Variants in PCDHGA2 observed in about 807,000 individuals in gnomAD.
PCDHGA2 encodes the protein protocadherin gamma-A2.
In PCDHGA2, 40 loss-of-function variants were observed where a neutral mutation model predicts 59.2. The observed-to-expected ratio is 0.68, with a 90% confidence interval of 0.52 to 0.88. The LOEUF (loss-of-function observed/expected upper bound fraction) is 0.88. Ranked by LOEUF, PCDHGA2 falls within the 40% of genes least tolerant of loss-of-function variation. The pLI, the probability that PCDHGA2 is intolerant of heterozygous loss-of-function variation, is 0.00. For missense variants in PCDHGA2, 1,226 were observed against 1,204.0 expected, an observed-to-expected ratio of 1.02 and a Z score of -0.27; for synonymous variants, 560 against 526.0, an observed-to-expected ratio of 1.06 and a Z score of -0.89.
At chr5:141,414,846 G>A in intron 1 of PCDHGA2, 1 of 1,614,218 alleles carries the variant, frequency 6.2e-7, no homozygotes, top group African/African-American at 1.3e-5. Flanking sequence ...TGTTTGTGCT[G>A]GACCAGAACG....
chr5:141,366,207 T>G, intron 1 of PCDHGA2: 1 of 1,613,790 alleles, frequency 6.2e-7, no homozygotes, highest in Non-Finnish European at 8.5e-7. Context: ...ACGGGCGAGG[T>G]GCGCACAGCG....
intron 1 of PCDHGA2, chr5:141,360,756 A>T: frequency 6.2e-7 from 1 of 1,614,010 alleles, no homozygotes; most frequent in Non-Finnish European, 8.5e-7. Context: ...AGCACAGTTT[A>T]CATCAATTGG....
chr5:141,442,894 C>T (rs1173211061), intron 1 of PCDHGA2, among the ~76,000 whole-genome samples: 1 of 152,204 alleles, frequency 6.6e-6, no homozygotes, highest in Non-Finnish European at 1.5e-5. Flanking sequence ...CCCTGCTTAT[C>T]ACTTCTCCTT....
intron 2 of PCDHGA2, among the ~76,000 whole-genome samples, chr5:141,500,381 T>G (rs1013284512): frequency 7.2e-5 from 11 of 151,786 alleles, no homozygotes; most frequent in African/African-American, 2.7e-4. Flanking sequence ...GCTAATTATT[T>G]TGTATTTTTA....
Position 141,393,710 on chromosome 5 carries a change from G to T in PCDHGA2, c.2424+52315G>T, listed in dbSNP as rs143738602. On this transcript the variant is annotated intron_variant, in intron 1 of 3. Transcript: ENST00000394576. Reference sequence around the variant, plus strand: ...TATTCCAGCTTAATGAAAATACTGGGGAAATATCAATAGCAAAAAGTCTAG... The same window carrying T: ...TATTCCAGCTTAATGAAAATACTGGTGAAATATCAATAGCAAAAAGTCTAG... 837 of 1,613,794 alleles carry T rather than the reference G, an allele frequency of 5.2e-4. 2 individuals carry two copies. In the African/African-American group the frequency reaches 1.0e-2, roughly 19 times the overall value.
intron 1 of PCDHGA2, chr5:141,409,571 TA>T: frequency 6.2e-7 from 1 of 1,613,932 alleles, no homozygotes; most frequent in Non-Finnish European, 8.5e-7. Flanking sequence ...CCAGACGTCC[TA>T]CGTGGTCCAC....
Position 141,486,070 on chromosome 5 carries a change from T to C in PCDHGA2, c.2425-8737T>C. ...ACCTCTTTAGCCTGCACCCCACTAC[T>C]GGAAAGCTTACTCTTTTGGGGCCCC... On this transcript the variant is annotated intron_variant, in intron 1 of 3. Coordinates refer to ENST00000394576, the MANE Select transcript of PCDHGA2 (RefSeq NM_018915.4). The surrounding 1 kb of genome is among the most constrained non-coding windows in gnomAD (Gnocchi z 5.0). 6.2e-7 allele frequency: 1 copy of C among 1,614,158 alleles called. No homozygotes were observed. The highest frequency in any genetic ancestry group is 8.5e-7 in the Non-Finnish European group (1 of 1,180,010).
chr5:141,434,401 T>C (rs1036239430), intron 1 of PCDHGA2, among the ~76,000 whole-genome samples: 2 of 152,242 alleles, frequency 1.3e-5, no homozygotes. Context: ...ACAAAATCTC[T>C]GCAGCACTGT....
In PCDHGA2 at chr5:141,390,225, G is replaced by A. The variant is rs886390636; in HGVS notation, c.2424+48830G>A. 25 of 1,613,922 alleles carry A rather than the reference G, an allele frequency of 1.5e-5. No individual in the cohort carries two copies. Among genetic ancestry groups the A allele is most frequent in the Non-Finnish European group, 1.9e-5 (23 of 1,179,908 alleles). On this transcript the variant is annotated intron_variant, in intron 1 of 3. Transcript: ENST00000394576. Reference sequence around the variant, plus strand: ...TTCAGGACAAGACATACTTTGCGGTGATTCATCTGGGGCCTTATTTCCACT... The same window carrying A: ...TTCAGGACAAGACATACTTTGCGGTAATTCATCTGGGGCCTTATTTCCACT...
At chr5:141,366,388 T>A (rs1764530765) in intron 1 of PCDHGA2, 1 of 1,614,034 alleles carries the variant, frequency 6.2e-7, no homozygotes, top group African/African-American at 1.3e-5. Flanking sequence ...ACCCTGAGGA[T>A]CTGGACCTCA....
chr5:141,344,538 A>T (rs1229655553), intron 1 of PCDHGA2: 4 of 1,614,034 alleles, frequency 2.5e-6, no homozygotes, highest in Non-Finnish European at 3.4e-6. Context: ...CTCCCTGCAG[A>T]ACTACAAGCT....
intron 1 of PCDHGA2, chr5:141,370,668 C>CGA (rs1767111229): frequency 5.0e-6 from 8 of 1,613,644 alleles, no homozygotes; most frequent in Non-Finnish European, 5.9e-6. Context: ...CCGTATAGAC[C>CGA]GAGAGGAGAT....
chr5:141,381,826 CTTTT>C (rs770630741), intron 1 of PCDHGA2, among the ~76,000 whole-genome samples: 27 of 74,296 alleles, frequency 3.6e-4, no homozygotes, highest in Middle Eastern at 8.1e-3. Context: ...CTTTCTTCTT[CTTTT>C]TTTTTTTTTT....
At chr5:141,374,379 G>T in intron 1 of PCDHGA2, 11 of 1,614,042 alleles carry the variant, frequency 6.8e-6, no homozygotes, top group Non-Finnish European at 9.3e-6. Flanking sequence ...TGTGCTCAGA[G>T]CCCGCGGTGT....
chr5:141,421,280 G>T (rs564480755), intron 1 of PCDHGA2: 1 of 1,612,948 alleles, frequency 6.2e-7, no homozygotes, highest in African/African-American at 1.3e-5. Context: ...CTGCTGCTGT[G>T]CATTTTCCTG....
rs2099637746 is a variant in PCDHGA2, at chr5:141,486,980, A to G, written c.2425-7827A>G. Reference sequence around the variant, plus strand: ...TGCTGTGGACTTGGATTCAGGTTACAATGCTTGGGTTTCCTATCAGCTCCT... The same window carrying G: ...TGCTGTGGACTTGGATTCAGGTTACGATGCTTGGGTTTCCTATCAGCTCCT... On this transcript the variant is annotated intron_variant, in intron 1 of 3. Coordinates refer to ENST00000394576, the MANE Select transcript of PCDHGA2 (RefSeq NM_018915.4). This position sits in a 1 kb window ranked among gnomAD's most constrained non-coding sequence, Gnocchi z 5.0. The G allele has an allele frequency of 1.2e-6, 2 of 1,614,040 alleles. No individual in the cohort carries two copies. The highest frequency in any genetic ancestry group is 1.3e-5 in the African/African-American group (1 of 74,908).
intron 1 of PCDHGA2, among the ~76,000 whole-genome samples, chr5:141,458,664 G>A (rs544369246): frequency 6.6e-6 from 1 of 152,196 alleles, no homozygotes; most frequent in African/African-American, 2.4e-5. Context: ...CCACCTCTCG[G>A]GTTCAAGCAA....
At position 141,477,023 on chromosome 5, in the gene PCDHGA2, A is replaced by T. The variant is rs763926460; in HGVS notation, c.2425-17784A>T. ...ATTCGCCTTAGACCTTGTAACCGGG[A>T]TGCTGACAATCAAGGGTCGGCTGGA... is the stretch of plus-strand genomic sequence containing the variant. On this transcript the variant is annotated intron_variant, in intron 1 of 3. Transcript: ENST00000394576. The surrounding 1 kb of genome is among the most constrained non-coding windows in gnomAD (Gnocchi z 4.9). 6.2e-7 allele frequency: 1 copy of T among 1,614,240 alleles called. No homozygotes were observed. The highest frequency in any genetic ancestry group is 8.5e-7 in the Non-Finnish European group (1 of 1,180,040).
At chr5:141,482,561 T>C (rs1411268228) in intron 1 of PCDHGA2, among the ~76,000 whole-genome samples, 3 of 136,978 alleles carry the variant, frequency 2.2e-5, no homozygotes, top group African/African-American at 8.6e-5. Flanking sequence ...ATAATGGAGA[T>C]CTGCATAGCA....
Sources: gnomAD v4.1 joint callset for allele counts (sites outside exome capture counted in the v4.1 genomes callset) on GRCh38, gnomAD v4.1.1 for gene constraint, Gnocchi (gnomAD v3.1) non-coding constraint, MANE v1.5 for transcripts, NCBI Gene and HGNC (gene_info 2026-07-23, HGNC 2026-07-21) for gene names.